The following YPEL5 variants were observed in gnomAD, a reference collection of about 807,000 sequenced individuals.
YPEL5 encodes the protein yippee like 5.
Under a neutral mutation model 10.5 loss-of-function variants are expected in YPEL5, and 1 was observed. The observed-to-expected ratio is 0.10, with a 90% CI of 0.03 to 0.45. YPEL5 has a LOEUF of 0.45. Ranked by LOEUF, YPEL5 falls within the 20% of genes least tolerant of loss-of-function variation. The probability of loss-of-function intolerance (pLI) is 0.97; values close to 1 mark genes in which losing one functional copy is unlikely to be tolerated. For missense variants in YPEL5, 68 were observed against 159.3 expected (o/e 0.43, Z 3.09); for synonymous variants, 61 against 56.6 (o/e 1.08, Z -0.35).
intron 2 of YPEL5, 134 bp downstream of exon 2, chr2:30,156,926 C>A: frequency 2.8e-6 from 3 of 1,079,780 alleles, no homozygotes; most frequent in Admixed American, 2.6e-5. Context: ...AAATGATTGC[C>A]CACTAGCTCG....
At chr2:30,153,554 T>C (rs1276170553) in intron 1 of YPEL5, among the ~76,000 whole-genome samples, 5 of 152,184 alleles carry the variant, frequency 3.3e-5, no homozygotes, top group Admixed American at 3.3e-4. Context: ...AGAGTTTGAA[T>C]AGTGTCAGTG....
At position 30,158,685 on chromosome 2, in the gene YPEL5, G is replaced by C; in HGVS notation, c.208G>C (p.Asp70His). ...VMLTGRHMVR[D>H]VSCKNCNSKL... ...GCTCACTGGCCGCCACATGGTTCGA[G>C]ATGTGAGCTGCAAAAACTGCAATAG... Residue 70 changes from aspartate to histidine, a missense_variant, in exon 3 of 3, where the codon GAT becomes CAT. Transcript: ENST00000261353. The C allele has an allele frequency of 6.2e-7, 1 of 1,614,190 alleles. No homozygotes were observed. The highest frequency in any genetic ancestry group is 8.5e-7 in the Non-Finnish European group (1 of 1,180,036).
At chr2:30,150,331 A>T (rs1303058843) in intron 1 of YPEL5, among the ~76,000 whole-genome samples, 1 of 152,226 alleles carries the variant, frequency 6.6e-6, no homozygotes, top group Non-Finnish European at 1.5e-5. Context: ...CGTTCTCAGA[A>T]TACAGTATCT....
intron 2 of YPEL5, among the ~76,000 whole-genome samples, 191 bp from the exon 3 acceptor site, chr2:30,158,425 TGTA>T (rs1182916850): frequency 6.6e-6 from 1 of 152,236 alleles, no homozygotes; most frequent in East Asian, 1.9e-4. Flanking sequence ...AGATGTCTAG[TGTA>T]GTGCAATTTC....
intron 1 of YPEL5, among the ~76,000 whole-genome samples, chr2:30,153,197 C>G (rs1454082226): frequency 6.6e-6 from 1 of 152,182 alleles, no homozygotes; most frequent in African/African-American, 2.4e-5. Flanking sequence ...CCACCGCGCC[C>G]GGCCTTTGTC....
At chr2:30,156,892 A>G (rs903463099) in intron 2 of YPEL5, 100 bp downstream of exon 2, 3 of 1,383,338 alleles carry the variant, frequency 2.2e-6, no homozygotes, top group Admixed American at 4.2e-5. Flanking sequence ...AGGAAGAGTC[A>G]GAATGAGAGC....
chr2:30,152,137 T>C lies in YPEL5; in HGVS notation c.-24-4491T>C, dbSNP rs1413306268. 2.0e-5 allele frequency among the ~76,000 whole-genome samples: 3 copies of C among 152,192 alleles called. No individual in the cohort carries two copies. The East Asian group carries it at 5.8e-4, about 29-fold the overall frequency. ...CACTTGTAGTGAGTAAACTTTGTCA[T>C]GTAGAGTATTCCTTAATAAAGCGGT... On this transcript the variant is annotated intron_variant, in intron 1 of 2. Coordinates refer to ENST00000261353, the MANE Select transcript of YPEL5 (RefSeq NM_016061.3).
At chr2:30,149,517 A>G (rs1210539943) in intron 1 of YPEL5, among the ~76,000 whole-genome samples, 3 of 152,262 alleles carry the variant, frequency 2.0e-5, no homozygotes, top group Non-Finnish European at 4.4e-5. Flanking sequence ...ACAACTCAGT[A>G]TAAAGAGTTG....
chr2:30,154,016 C>T (rs1675929762), intron 1 of YPEL5, among the ~76,000 whole-genome samples: 1 of 152,206 alleles, frequency 6.6e-6, no homozygotes, highest in Admixed American at 6.5e-5. Flanking sequence ...AGCGCATTTA[C>T]CACAACCGTA....
At position 30,147,047 on chromosome 2, in the gene YPEL5, C is replaced by G. The variant is rs1420278700; in HGVS notation, c.-40C>G. 3.3e-5 allele frequency: 5 copies of G among 152,436 alleles called. No homozygotes were observed. The highest frequency in any genetic ancestry group is 2.6e-4 in the Admixed American group (4 of 15,288). 9.4% of individuals were successfully genotyped at this position (152,436 alleles called of 1,614,324 possible). A position where few individuals can be genotyped will look rare whatever the true frequency, so the allele number is the denominator to read the frequency against. On this transcript the variant is annotated 5_prime_UTR_variant, in exon 1 of 3. It adds an upstream start codon to the 5' untranslated region. Coordinates refer to ENST00000261353, the MANE Select transcript of YPEL5 (RefSeq NM_016061.3). ...CGACAAGCCGCTGGCAGCCGCGGAT[C>G]TCACCGCCGCTCAGGGTGAGTCCCG... is the stretch of plus-strand genomic sequence containing the variant.
chr2:30,147,225 C>G (rs374099750), intron 1 of YPEL5, among the ~76,000 whole-genome samples, 163 bp downstream of exon 1: 1 of 151,942 alleles, frequency 6.6e-6, no homozygotes, highest in African/African-American at 2.4e-5. Context: ...AGCGGCCGCC[C>G]CAGATCCTTC....
chr2:30,147,300 G>A (rs2103500354), intron 1 of YPEL5, among the ~76,000 whole-genome samples: 1 of 150,654 alleles, frequency 6.6e-6, no homozygotes, highest in African/African-American at 2.4e-5. Context: ...TGTGAGGCCT[G>A]GCGCGGCGGC....
At chr2:30,147,415 T>TCCGAGGCCCGCCG (rs1295680789) in intron 1 of YPEL5, 1 of 146,242 alleles carries the variant, frequency 6.8e-6, no homozygotes, top group African/African-American at 2.5e-5. Context: ...CGTCGCGTCC[T>TCCGAGGCCCGCCG]CCGAGGCCCG....
At position 30,159,044 on chromosome 2, in the gene YPEL5, A is replaced by T. The variant is rs1217834275; in HGVS notation, c.*201A>T. 5.0e-6 allele frequency: 3 copies of T among 596,138 alleles called. No homozygotes were observed. The highest frequency in any genetic ancestry group is 8.8e-6 in the Non-Finnish European group (3 of 342,026). The allele number at this position is 596,138 out of a possible 1,614,324, so 36.9% of individuals were successfully genotyped here. A position where few individuals can be genotyped will look rare whatever the true frequency, so the allele number is the denominator to read the frequency against. ...TTCCATCCAACAGCAGTGTGTAGAG[A>T]GAATATTATGCAGATGCCGTTAATT... On this transcript the variant is annotated 3_prime_UTR_variant, in exon 3 of 3. Coordinates refer to ENST00000261353, the MANE Select transcript of YPEL5 (RefSeq NM_016061.3).
intron 1 of YPEL5, among the ~76,000 whole-genome samples, chr2:30,152,886 CTTTG>C (rs1205448572): frequency 3.7e-5 from 4 of 107,286 alleles, no homozygotes; most frequent in Non-Finnish European, 5.9e-5. Context: ...AATGACTGTC[CTTTG>C]TTTTTTTTTT....
At chr2:30,154,262 C>A (rs1487322538) in intron 1 of YPEL5, among the ~76,000 whole-genome samples, 1 of 152,202 alleles carries the variant, frequency 6.6e-6, no homozygotes, top group African/African-American at 2.4e-5. Context: ...TGTTGATTCC[C>A]TTCTGTTAAT....
intron 1 of YPEL5, among the ~76,000 whole-genome samples, chr2:30,153,994 A>C (rs540503462): frequency 6.6e-6 from 1 of 152,350 alleles, no homozygotes; most frequent in Non-Finnish European, 1.5e-5. Flanking sequence ...GGGAAAGTTC[A>C]CTTTGAAGTC....
chr2:30,148,873 A>T (rs1272651472), intron 1 of YPEL5, among the ~76,000 whole-genome samples: 1 of 152,248 alleles, frequency 6.6e-6, no homozygotes, highest in Non-Finnish European at 1.5e-5. Context: ...AGTCCTAGGT[A>T]TATGTGTGCC....
chr2:30,156,602 T>A (rs573845215), intron 1 of YPEL5, 26 bp from the exon 2 acceptor site: 1 of 1,608,100 alleles, frequency 6.2e-7, no homozygotes, highest in South Asian at 1.1e-5. Context: ...ATAATGCATT[T>A]GTTATCCTTT....
Sources: allele counts gnomAD v4.1 joint callset (sites outside exome capture counted in the v4.1 genomes callset), GRCh38; gene constraint gnomAD v4.1.1; transcripts MANE v1.5; gene names NCBI Gene and HGNC (gene_info 2026-07-23, HGNC 2026-07-21).